The following MARCHF3 variants were observed in gnomAD, a reference collection of about 807,000 sequenced individuals.
The protein encoded by MARCHF3 is membrane associated ring-CH-type finger 3.
A neutral mutation model predicts 24.2 loss-of-function variants in MARCHF3; 13 were observed. The ratio of observed to expected loss-of-function variants is 0.54; its 90% CI spans 0.35 to 0.85. MARCHF3 has a LOEUF of 0.85. MARCHF3 is among the 40% of genes least tolerant of loss of function. The pLI is 0.01. For synonymous variants in MARCHF3, 144 were observed against 137.3 expected, an observed-to-expected ratio of 1.05 and a Z score of -0.34; for missense variants, 276 against 325.0, an observed-to-expected ratio of 0.85 and a Z score of 1.16.
At chr5:126,912,252 G>C (rs1754561162) in intron 3 of MARCHF3, among the ~76,000 whole-genome samples, 1 of 152,230 alleles carries the variant, frequency 6.6e-6, no homozygotes, top group African/African-American at 2.4e-5. Flanking sequence ...GAAGGGGGAT[G>C]AACAGTTATG....
chr5:126,987,551 CTCTG>C (rs2126840365), intron 1 of MARCHF3, among the ~76,000 whole-genome samples: 1 of 152,272 alleles, frequency 6.6e-6, no homozygotes, highest in Admixed American at 6.5e-5. Context: ...ACAAATATTT[CTCTG>C]TCTTTCTTTC....
chr5:126,910,754 T>A (rs538423428), intron 3 of MARCHF3, among the ~76,000 whole-genome samples: 1 of 152,156 alleles, frequency 6.6e-6, no homozygotes, highest in Non-Finnish European at 1.5e-5. Context: ...CAATATGATA[T>A]CTGGGCACCT....
At chr5:126,936,274 C>G (rs1749644237) in intron 1 of MARCHF3, among the ~76,000 whole-genome samples, 1 of 152,138 alleles carries the variant, frequency 6.6e-6, no homozygotes, top group Non-Finnish European at 1.5e-5. Flanking sequence ...GGGACATAAT[C>G]AGAAATGCAA....
intron 4 of MARCHF3, among the ~76,000 whole-genome samples, chr5:126,871,229 T>C (rs1178519336): frequency 6.6e-6 from 1 of 152,188 alleles, no homozygotes; most frequent in Non-Finnish European, 1.5e-5. Flanking sequence ...TCCTGCAAGT[T>C]AGACCCTGCA....
Position 126,878,312 on chromosome 5 carries a change from G to T in MARCHF3, c.476C>A (p.Ala159Asp), listed in dbSNP as rs1463939752. 6.2e-7 allele frequency: 1 copy of T among 1,614,260 alleles called. No individual in the cohort carries two copies. The stretch of plus-strand genomic sequence containing the variant: ...CAGGCACAGCCAGCCCGAGATGGTG[G>T]CCAGGGGAGTTATAAACAAGAAGCA... The part of the protein sequence containing the change: ...MVCFLFITPL[A>D]TISGWLCLRG... Residue 159 changes from alanine (A) to aspartate (D), a missense_variant, in exon 4 of 5, where the codon GCC (alanine) becomes GAC (aspartate). Coordinates refer to ENST00000308660, the MANE Select transcript of MARCHF3 (RefSeq NM_178450.5).
chr5:127,022,413 G>A (rs1360042906), intron 1 of MARCHF3, among the ~76,000 whole-genome samples: 2 of 152,240 alleles, frequency 1.3e-5, no homozygotes, highest in Non-Finnish European at 2.9e-5. Flanking sequence ...TTGGAAGTTG[G>A]AGGCTGAATT....
At chr5:126,917,947 TCAA>T in intron 2 of MARCHF3, 34 bp downstream of exon 2, 2 of 1,589,686 alleles carry the variant, frequency 1.3e-6, no homozygotes, top group Non-Finnish European at 1.7e-6. Context: ...GTTCTCTGGA[TCAA>T]TTACAGATTC....
chr5:127,027,773 A>G (rs1580506918), intron 1 of MARCHF3, among the ~76,000 whole-genome samples: 1 of 152,256 alleles, frequency 6.6e-6, no homozygotes, highest in Admixed American at 6.5e-5. Context: ...CTCAACAATT[A>G]TTTGTTAAAT....
chr5:127,003,817 G>A (rs1260373513), intron 1 of MARCHF3, among the ~76,000 whole-genome samples: 2 of 152,172 alleles, frequency 1.3e-5, no homozygotes, highest in Non-Finnish European at 2.9e-5. Context: ...TACATTTGTC[G>A]TACACAGTTG....
intron 3 of MARCHF3, among the ~76,000 whole-genome samples, chr5:126,903,306 T>C (rs951485476): frequency 6.6e-6 from 1 of 151,996 alleles, no homozygotes; most frequent in Admixed American, 6.6e-5. Flanking sequence ...AGAGAGCATG[T>C]CCCACCCAAA....
chr5:126,897,012 C>G (rs1327670299), intron 3 of MARCHF3, among the ~76,000 whole-genome samples: 3 of 150,148 alleles, frequency 2.0e-5, no homozygotes, highest in Admixed American at 2.0e-4. Flanking sequence ...TTGAGACAAT[C>G]CTTGGTTCAA....
intron 1 of MARCHF3, among the ~76,000 whole-genome samples, chr5:126,965,146 T>C (rs112653402): frequency 1.2e-4 from 18 of 152,218 alleles, no homozygotes; most frequent in African/African-American, 3.6e-4. Flanking sequence ...ACCAGGAACA[T>C]TGCCAAAGGC....
At chr5:126,974,088 C>CG (rs1751112839) in intron 1 of MARCHF3, among the ~76,000 whole-genome samples, 1 of 150,496 alleles carries the variant, frequency 6.6e-6, no homozygotes, top group East Asian at 2.0e-4. Context: ...TTAGTAGAGA[C>CG]GGGGTTTCAC....
chr5:126,901,685 C>A (rs1754110642), intron 3 of MARCHF3, among the ~76,000 whole-genome samples: 1 of 152,112 alleles, frequency 6.6e-6, no homozygotes, highest in Admixed American at 6.6e-5. Flanking sequence ...CAGGAGCCCT[C>A]AGCAGGGAGC....
At chr5:126,961,986 T>C (rs932594673) in intron 1 of MARCHF3, among the ~76,000 whole-genome samples, 1 of 152,194 alleles carries the variant, frequency 6.6e-6, no homozygotes, top group Non-Finnish European at 1.5e-5. Flanking sequence ...GTGATAATGC[T>C]GAAGCAACCA....
intron 3 of MARCHF3, among the ~76,000 whole-genome samples, chr5:126,905,701 T>G (rs1287761795): frequency 1.3e-5 from 2 of 151,990 alleles, no homozygotes; most frequent in African/African-American, 4.8e-5. Context: ...CTTATCAGCT[T>G]AAGGAGATTT....
At chr5:126,961,560 A>T (rs1249317674) in intron 1 of MARCHF3, among the ~76,000 whole-genome samples, 2 of 152,174 alleles carry the variant, frequency 1.3e-5, no homozygotes, top group Non-Finnish European at 2.9e-5. Flanking sequence ...CATTTGTGTA[A>T]CTACAGTACT....
intron 3 of MARCHF3, among the ~76,000 whole-genome samples, chr5:126,889,011 C>T (rs1369174001): frequency 6.6e-6 from 1 of 152,182 alleles, no homozygotes; most frequent in African/African-American, 2.4e-5. Flanking sequence ...GTGATCCACC[C>T]GCCTTGGCCT....
chr5:126,899,683 G>A (rs1487671762), intron 3 of MARCHF3, among the ~76,000 whole-genome samples: 8 of 152,082 alleles, frequency 5.3e-5, no homozygotes, highest in Non-Finnish European at 1.2e-4. Flanking sequence ...AGTACAAAGA[G>A]ACACAGGAAA....
Sources: allele counts gnomAD v4.1 joint callset (sites outside exome capture counted in the v4.1 genomes callset), GRCh38; gene constraint gnomAD v4.1.1; transcripts MANE v1.5; gene names NCBI Gene and HGNC (gene_info 2026-07-23, HGNC 2026-07-21).